The following CIMIP2A variants were observed in gnomAD, a reference collection of about 807,000 sequenced individuals.
CIMIP2A encodes ciliary microtubule inner protein 2A.
the CIMIP2A span, among the ~76,000 whole-genome samples, chr9:137,254,748 C>T: frequency 1.3e-5 from 2 of 152,012 alleles, no homozygotes; most frequent in East Asian, 3.9e-4. Context: ...CCTGGACTCT[C>T]CTTCACGGCT....
chr9:137,252,498 G>A, the CIMIP2A span: 2 of 1,560,084 alleles, frequency 1.3e-6, no homozygotes, highest in Admixed American at 1.8e-5. Context: ...CCTTCACGCA[G>A]AAAGCTGACT....
chr9:137,252,176 C>T, the CIMIP2A span: 21 of 1,579,530 alleles, frequency 1.3e-5, no homozygotes, highest in Non-Finnish European at 1.8e-5. Context: ...CGGGCCTGTC[C>T]CTCACCCTGG....
chr9:137,252,832 T>C, the CIMIP2A span: 1 of 1,570,720 alleles, frequency 6.4e-7, no homozygotes, highest in Non-Finnish European at 8.6e-7. Flanking sequence ...TTCAGGCCTC[T>C]TTGCAGGCAC....
chr9:137,247,587 T>C, the CIMIP2A span: 9 of 1,428,734 alleles, frequency 6.3e-6, no homozygotes, highest in Non-Finnish European at 8.8e-6. Flanking sequence ...CTGGCCTCCA[T>C]GCCTCAGGCC....
At chr9:137,243,649 T>C in the CIMIP2A span, 15 of 1,613,934 alleles carry the variant, frequency 9.3e-6, no homozygotes, top group African/African-American at 1.7e-4. Flanking sequence ...GTGCACTTGC[T>C]GTTTTCCCTG....
the CIMIP2A span, among the ~76,000 whole-genome samples, chr9:137,249,860 CTATGAGTGGCTCCAGCAAA>C: frequency 6.6e-6 from 1 of 152,232 alleles, no homozygotes; most frequent in Non-Finnish European, 1.5e-5. Flanking sequence ...TTCCCTAGTT[CTATGAGTGGCTCCAGCAAA>C]TTAACCCAAA....
At chr9:137,251,754 CTGT>C in the CIMIP2A span, 1 of 1,574,176 alleles carries the variant, frequency 6.4e-7, no homozygotes, top group African/African-American at 1.4e-5. Flanking sequence ...GGCATCTGTG[CTGT>C]TGTTGGGCCC....
chr9:137,251,188 G>T, the CIMIP2A span: 1 of 919,148 alleles, frequency 1.1e-6, no homozygotes, highest in South Asian at 1.3e-5. Context: ...TCCAGGGCCA[G>T]ACAATGTGTC....
chr9:137,243,734 C>T, the CIMIP2A span: 4 of 1,614,152 alleles, frequency 2.5e-6, no homozygotes, highest in East Asian at 2.2e-5. Flanking sequence ...CCATTCCTTC[C>T]AGTAGGCCCT....
the CIMIP2A span, among the ~76,000 whole-genome samples, chr9:137,246,898 C>T: frequency 1.3e-5 from 2 of 152,168 alleles, no homozygotes; most frequent in Non-Finnish European, 2.9e-5. Context: ...TGTAGGTGCA[C>T]ACACACACAC....
chr9:137,251,047 A>C, the CIMIP2A span: 1 of 524,752 alleles, frequency 1.9e-6, no homozygotes. Flanking sequence ...AAGGCTGGAA[A>C]GGTTGCGGGG....
the CIMIP2A span, chr9:137,253,135 G>A: frequency 3.2e-6 from 5 of 1,579,648 alleles, no homozygotes; most frequent in South Asian, 2.3e-5. Flanking sequence ...TGGCCCAGCC[G>A]CCTACCACGT....
chr9:137,246,803 C>T, the CIMIP2A span, among the ~76,000 whole-genome samples: 9 of 152,234 alleles, frequency 5.9e-5, no homozygotes, highest in East Asian at 1.7e-3. Context: ...GCCTCAGCTT[C>T]ACCTGCCCCT....
At chr9:137,251,898 G>A in the CIMIP2A span, 1 of 1,606,002 alleles carries the variant, frequency 6.2e-7, no homozygotes, top group Non-Finnish European at 8.5e-7. Flanking sequence ...GGAACTATGT[G>A]AGTGAGGGTC....
At chr9:137,249,018 G>GT in the CIMIP2A span, among the ~76,000 whole-genome samples, 602 of 150,232 alleles carry the variant, frequency 4.0e-3, 2 homozygotes, top group African/African-American at 0.013. Flanking sequence ...GACTAATATG[G>GT]TTTTTTTTTT....
chr9:137,253,803 G>T, the CIMIP2A span, among the ~76,000 whole-genome samples: 12 of 152,216 alleles, frequency 7.9e-5, no homozygotes, highest in African/African-American at 2.7e-4. Context: ...GCCACCTCCA[G>T]GTGGGGTCGG....
At chr9:137,243,629 G>C in the CIMIP2A span, 1 of 1,613,774 alleles carries the variant, frequency 6.2e-7, no homozygotes, top group South Asian at 1.1e-5. Flanking sequence ...CCTGTGGCCT[G>C]TCCCACTGTG....
the CIMIP2A span, among the ~76,000 whole-genome samples, chr9:137,247,473 C>T: frequency 6.6e-6 from 1 of 152,210 alleles, no homozygotes; most frequent in Non-Finnish European, 1.5e-5. Context: ...CCTGGCAACC[C>T]CATCCCTGAG....
the CIMIP2A span, chr9:137,252,424 C>T: frequency 1.9e-6 from 3 of 1,607,602 alleles, no homozygotes; most frequent in East Asian, 4.5e-5. Flanking sequence ...CTCTCTCCAT[C>T]CTCCAACTAC....
Sources: gnomAD v4.1 joint callset for allele counts (sites outside exome capture counted in the v4.1 genomes callset) on GRCh38, gnomAD v4.1.1 for gene constraint, MANE v1.5 for transcripts, NCBI Gene and HGNC (gene_info 2026-07-23, HGNC 2026-07-21) for gene names.